The following HECTD4 variants were observed in gnomAD, a reference collection of about 807,000 sequenced individuals.
HECTD4 encodes probable E3 ubiquitin-protein ligase HECTD4.
In HECTD4, 114 loss-of-function variants were observed where a neutral mutation model predicts 471.5. The observed-to-expected ratio is 0.24, with a 90% CI of 0.21 to 0.28. The LOEUF is 0.28. Ranked by LOEUF, HECTD4 falls within the 10% of genes least tolerant of loss-of-function variation. The pLI is 1.00. For synonymous variants in HECTD4, 2,012 were observed against 2,256.0 expected (o/e 0.89, Z 3.07); for missense variants, 3,866 against 5,651.5 (o/e 0.68, Z 10.13).
At chr12:112,230,931 A>C in intron 39 of HECTD4, 109 bp from the exon 40 acceptor site, 1 of 997,968 alleles carries the variant, frequency 1.0e-6, no homozygotes. Flanking sequence ...TTATACAAGA[A>C]AAAGTGGATT....
At chr12:112,318,989 TATC>T (rs1462819976) in intron 2 of HECTD4, among the ~76,000 whole-genome samples, 4 of 152,252 alleles carry the variant, frequency 2.6e-5, no homozygotes, top group Admixed American at 6.5e-5. Context: ...GTTAAGATGT[TATC>T]ATGGTATACC....
chr12:112,265,180 C>T lies in HECTD4; in HGVS notation c.2614G>A (p.Val872Met), dbSNP rs1425396269. The change falls in exon 16 of 76, where the codon GTG (valine) becomes ATG (methionine). Residue 872 changes from valine to methionine, a missense_variant. By Grantham distance (21) the Val-to-Met change is conservative. Coordinates refer to ENST00000682272, the MANE Select transcript of HECTD4 (RefSeq NM_001388303.1). ...KDDFQKLLST[V>M]PAASSCLRYL... Reference sequence around the variant, plus strand: ...TTAAACACATTTTTACTTACAGGCACAGTTGAAAGGAGCTTTTGAAAATCA... The same window carrying T: ...TTAAACACATTTTTACTTACAGGCATAGTTGAAAGGAGCTTTTGAAAATCA... 2.5e-6 allele frequency: 4 copies of T among 1,592,496 alleles called. No homozygotes were observed. In the South Asian group the frequency reaches 3.5e-5, roughly 14 times the overall value.
chr12:112,244,094 G>T, intron 29 of HECTD4, 85 bp from the exon 30 acceptor site: 1 of 1,373,748 alleles, frequency 7.3e-7, no homozygotes, highest in Non-Finnish European at 1.0e-6. Context: ...AACAGTCTAA[G>T]TGTATCTTTG....
At chr12:112,227,033 G>C (rs951794075) in intron 43 of HECTD4, among the ~76,000 whole-genome samples, 5 of 152,240 alleles carry the variant, frequency 3.3e-5, no homozygotes, top group African/African-American at 1.2e-4. Context: ...AGTGCCAGGT[G>C]AGAAATCAGC....
chr12:112,368,128 T>C (rs1418010352), intron 1 of HECTD4, among the ~76,000 whole-genome samples: 2 of 152,194 alleles, frequency 1.3e-5, no homozygotes, highest in Non-Finnish European at 2.9e-5. Context: ...TTATTGTTAA[T>C]CTAAAATTGC....
chr12:112,349,794 T>C (rs1056246081), intron 1 of HECTD4, among the ~76,000 whole-genome samples: 1 of 152,178 alleles, frequency 6.6e-6, no homozygotes, highest in Non-Finnish European at 1.5e-5. Flanking sequence ...ATTTTATTTT[T>C]GGCAAGGGCT....
At chr12:112,200,958 T>C (rs1204577558) in intron 54 of HECTD4, among the ~76,000 whole-genome samples, 160 bp from the exon 55 acceptor site, 2 of 152,144 alleles carry the variant, frequency 1.3e-5, no homozygotes, top group Non-Finnish European at 2.9e-5. Context: ...AACTAATTGC[T>C]ATTTCATAGA....
At chr12:112,303,249 C>T (rs993609679) in intron 7 of HECTD4, among the ~76,000 whole-genome samples, 7 of 152,294 alleles carry the variant, frequency 4.6e-5, no homozygotes, top group East Asian at 3.9e-4. Flanking sequence ...TGTAAACTCA[C>T]GGTCTACCAC....
At chr12:112,361,643 T>C (rs569693005) in intron 1 of HECTD4, among the ~76,000 whole-genome samples, 2 of 152,212 alleles carry the variant, frequency 1.3e-5, no homozygotes, top group East Asian at 3.9e-4. Flanking sequence ...AGAACTGAAC[T>C]AACAGCTGGC....
rs779680432 is a variant in HECTD4, at chr12:112,338,734, A to G, written c.178-18992T>C. On this transcript the variant is annotated intron_variant, in intron 1 of 75. Coordinates refer to ENST00000682272, the MANE Select transcript of HECTD4 (RefSeq NM_001388303.1). Reference sequence around the variant, plus strand: ...CAGGCTGTACAGAAAGCATGGTGCCAGCATCTGCTTGGCTTCTGGGGAGGC... The same window carrying G: ...CAGGCTGTACAGAAAGCATGGTGCCGGCATCTGCTTGGCTTCTGGGGAGGC... 5.9e-5 allele frequency among the ~76,000 whole-genome samples: 9 copies of G among 152,178 alleles called. No individual in the cohort carries two copies. The South Asian group carries it at 8.3e-4, about 14-fold the overall frequency.
In HECTD4 at chr12:112,235,292, C is replaced by T. The variant is rs570990019; in HGVS notation, c.5726-26G>A. 1 of 1,595,192 alleles carries T rather than the reference C, an allele frequency of 6.3e-7. No individual in the cohort carries two copies. Among genetic ancestry groups the T allele is most frequent in the South Asian group, 1.1e-5 (1 of 88,006 alleles). On this transcript the variant is annotated intron_variant, in intron 36 of 75. Transcript: ENST00000682272. The surrounding 1 kb of genome is among the most constrained non-coding windows in gnomAD (Gnocchi z 5.0). ...CTTTAAGCAAAAAACAAAGCTCATT[C>T]AGGAAAACTGCAGTGTTGTTTTGGC...
intron 7 of HECTD4, among the ~76,000 whole-genome samples, chr12:112,297,191 A>G (rs1170108565): frequency 1.2e-4 from 16 of 133,634 alleles, no homozygotes; most frequent in South Asian, 2.5e-4. Flanking sequence ...AGGTGCAGTG[A>G]ATGTAGGTGC....
In HECTD4 at chr12:112,382,327, TGCCGCCGCCGCCGCCGCCGCC is replaced by T. The variant is rs558182543; in HGVS notation, c.-220_-200del. 12 of 356,200 alleles carry T rather than the reference TGCCGCCGCCGCCGCCGCCGCC, an allele frequency of 3.4e-5. No individual in the cohort carries two copies. The highest frequency in any genetic ancestry group is 1.5e-4 in the South Asian group (3 of 20,254). 22.1% of individuals were successfully genotyped at this position (356,200 alleles called of 1,614,324 possible). A position where few individuals can be genotyped will look rare whatever the true frequency, so the allele number is the denominator to read the frequency against. Reference sequence around the variant, plus strand: ...ACCCCGGCCCGGGAGACCCCGGCCCTGCCGCCGCCGCCGCCGCCGCCGCCGCCGCCGCCCTCAGGAGCAGGA... The same window carrying T: ...ACCCCGGCCCGGGAGACCCCGGCCCTGCCGCCGCCGCCCTCAGGAGCAGGA... On this transcript the variant is annotated 5_prime_UTR_variant, in exon 1 of 76. Transcript: ENST00000682272.
chr12:112,180,540 AAAAAC>A (rs1353321352), intron 62 of HECTD4, among the ~76,000 whole-genome samples: 57 of 151,886 alleles, frequency 3.8e-4, no homozygotes, highest in African/African-American at 1.4e-3. Context: ...TTAAAAAAAA[AAAAAC>A]AACAACAACA....
At chr12:112,170,559 G>A (rs1338371733) in intron 68 of HECTD4, 107 bp from the exon 69 acceptor site, 29 of 1,436,638 alleles carry the variant, frequency 2.0e-5, no homozygotes, top group Non-Finnish European at 2.6e-5. Flanking sequence ...CAGGCCCCCT[G>A]GTGGCAGTAG....
intron 29 of HECTD4, among the ~76,000 whole-genome samples, chr12:112,244,214 T>A (rs897071733): frequency 7.9e-5 from 12 of 152,134 alleles, no homozygotes; most frequent in Non-Finnish European, 1.5e-4. Flanking sequence ...CTTAAAAAAA[T>A]TAAAATCTTT....
intron 22 of HECTD4, among the ~76,000 whole-genome samples, chr12:112,253,351 C>A (rs2033938275): frequency 6.6e-6 from 1 of 150,400 alleles, no homozygotes; most frequent in Non-Finnish European, 1.5e-5. Flanking sequence ...TCTCAAACTC[C>A]CGACCTCAGG....
chr12:112,270,838 G>A (rs2034397686), intron 11 of HECTD4, among the ~76,000 whole-genome samples: 1 of 152,148 alleles, frequency 6.6e-6, no homozygotes, highest in South Asian at 2.1e-4. Flanking sequence ...CTGGGATTTG[G>A]ATTCAGGCCA....
At chr12:112,309,917 G>A (rs182220886) in intron 4 of HECTD4, among the ~76,000 whole-genome samples, 76 of 152,192 alleles carry the variant, frequency 5.0e-4, no homozygotes, top group Non-Finnish European at 7.8e-4. Context: ...GGTTTAGCCC[G>A]CCAAATGTTT....
Sources: gnomAD v4.1 joint callset for allele counts (sites outside exome capture counted in the v4.1 genomes callset) on GRCh38, gnomAD v4.1.1 for gene constraint, Gnocchi (gnomAD v3.1) non-coding constraint, MANE v1.5 for transcripts, NCBI Gene and HGNC (gene_info 2026-07-23, HGNC 2026-07-21) for gene names.